The following ABHD12 variants were observed in gnomAD, a reference collection of about 807,000 sequenced individuals.
ABHD12 encodes the protein abhydrolase domain containing 12, lysophospholipase.
ABHD12 carries 43 observed loss-of-function variants against 58.3 expected under a neutral mutation model. The ratio of observed to expected loss-of-function variants is 0.74; its 90% CI spans 0.58 to 0.95. ABHD12 has a LOEUF of 0.95. Among genes scored for constraint, ABHD12 ranks in the 40% least tolerant of loss-of-function variants. ABHD12 has a pLI of 0.00. For missense variants in ABHD12, 539 were observed against 537.2 expected (o/e 1.00, Z -0.03); for synonymous variants, 219 against 211.2 (o/e 1.04, Z -0.32).
chr20:25,315,276 C>T (rs895942718), intron 5 of ABHD12, among the ~76,000 whole-genome samples: 1 of 151,976 alleles, frequency 6.6e-6, no homozygotes, highest in Non-Finnish European at 1.5e-5. Flanking sequence ...GCAGGGCAGC[C>T]TCTGGGGCGG....
chr20:25,364,739 G>A (rs2089796677), intron 1 of ABHD12, among the ~76,000 whole-genome samples: 1 of 152,132 alleles, frequency 6.6e-6, no homozygotes, highest in African/African-American at 2.4e-5. Flanking sequence ...TAAACCATGA[G>A]GTTCCATTTT....
In ABHD12 at chr20:25,377,057, C is replaced by T. The variant is rs1475384300; in HGVS notation, c.191+13456G>A. The stretch of plus-strand genomic sequence containing the variant: ...TCATACCTGGAGATGCTTCCCTGGG[C>T]CCTGGCAGAATCTCCTTCAGCTTTT... On this transcript the variant is annotated intron_variant, in intron 1 of 12. Transcript: ENST00000339157. Among the ~76,000 whole-genome samples the T allele has an allele frequency of 3.9e-5, 6 of 152,332 alleles. 1 individual carries two copies. The East Asian group carries it at 5.8e-4, about 15-fold the overall frequency.
intron 1 of ABHD12, among the ~76,000 whole-genome samples, chr20:25,341,949 T>C (rs2089459860): frequency 6.6e-6 from 1 of 152,006 alleles, no homozygotes; most frequent in Admixed American, 6.6e-5. Context: ...TACTTACTCA[T>C]CCTTCAGCAC....
In ABHD12 at chr20:25,300,857, C is replaced by T. The variant is rs763178289; in HGVS notation, c.1185G>A (p.Glu395=). The T allele has an allele frequency of 5.6e-6, 9 of 1,613,974 alleles. No individual in the cohort carries two copies. In the East Asian group the frequency reaches 1.3e-4, roughly 24 times the overall value. The part of the protein sequence containing the change: ...LREFLGKSEP[E]HQH The stretch of plus-strand genomic sequence containing the variant: ...CCCACGGCCAGGCTCAGTGCTGGTG[C>T]TCAGGCTCCGACTTCCCCAGGAATT... The change falls in exon 13 of 13, where the codon GAG becomes GAA. Residue 395 remains glutamate, a synonymous_variant. Transcript: ENST00000339157.
Position 25,302,325 on chromosome 20 carries a change from C to T in ABHD12, c.1051G>A (p.Ala351Thr). ...ACTTTGAAATCTCGGAAGCTTCGAGCTGGTGCGGCGATGCTATAGAGCTGG... is the reference window on the plus strand; with the variant it reads ...ACTTTGAAATCTCGGAAGCTTCGAGTTGGTGCGGCGATGCTATAGAGCTGG... ...GRKLYSIAAPARSFRDFKVQF... is the reference protein window; with the variant it reads ...GRKLYSIAAPTRSFRDFKVQF... Residue 351 changes from alanine (A) to threonine (T), a missense_variant, in exon 12 of 13, where the codon GCT becomes ACT. Transcript: ENST00000339157. 6.2e-7 allele frequency: 1 copy of T among 1,613,556 alleles called. No individual in the cohort carries two copies. Among genetic ancestry groups the T allele is most frequent in the Non-Finnish European group, 8.5e-7 (1 of 1,179,952 alleles).
At chr20:25,337,629 A>G (rs969846433) in intron 2 of ABHD12, among the ~76,000 whole-genome samples, 19 of 152,244 alleles carry the variant, frequency 1.2e-4, no homozygotes, top group African/African-American at 4.3e-4. Context: ...TTCAAGAACC[A>G]GCTCATGTGC....
At chr20:25,370,599 A>C (rs1200846286) in intron 1 of ABHD12, among the ~76,000 whole-genome samples, 1 of 152,154 alleles carries the variant, frequency 6.6e-6, no homozygotes, top group Admixed American at 6.5e-5. Flanking sequence ...GGGGCAGGAG[A>C]GCACAGCGAT....
chr20:25,330,399 CA>C (rs1300370031), intron 2 of ABHD12, among the ~76,000 whole-genome samples: 1 of 152,272 alleles, frequency 6.6e-6, no homozygotes. Flanking sequence ...GGGCGCCCGC[CA>C]TTGCCCAGGC....
Position 25,300,788 on chromosome 20 carries a change from A to T in ABHD12, c.*57T>A. 2 of 1,613,538 alleles carry T rather than the reference A, an allele frequency of 1.2e-6. No individual in the cohort carries two copies. Among genetic ancestry groups the T allele is most frequent in the Non-Finnish European group, 1.7e-6 (2 of 1,179,788 alleles). On this transcript the variant is annotated 3_prime_UTR_variant, in exon 13 of 13. Transcript: ENST00000339157. ...GGGGCTTCAGGATACCGGGCTGCTG[A>T]CTGGAGGAAAACGGGAGGAGGGCAG... is the stretch of plus-strand genomic sequence containing the variant.
At chr20:25,296,395 T>C (rs777084935), downstream of ABHD12, 15 of 1,613,872 alleles carry the variant, frequency 9.3e-6, no homozygotes, top group South Asian at 1.6e-4. Flanking sequence ...ACCAAGAAGG[T>C]CATCAGGAAC....
rs1455505256 is a variant in ABHD12 at position 25,350,827 on chromosome 20, T to C, written c.192-11476A>G. Among the ~76,000 whole-genome samples the C allele has an allele frequency of 3.3e-5, 5 of 152,140 alleles. No homozygotes were observed. In the East Asian group the frequency reaches 7.7e-4, roughly 23 times the overall value. On this transcript the variant is annotated intron_variant, in intron 1 of 12. Transcript: ENST00000339157. Reference sequence around the variant, plus strand: ...CTTACCTGACTAGAGCAGAACTTTATGACAGTCAGCTGCCACAAACCTCCT... The same window carrying C: ...CTTACCTGACTAGAGCAGAACTTTACGACAGTCAGCTGCCACAAACCTCCT...
intron 1 of ABHD12, among the ~76,000 whole-genome samples, chr20:25,378,209 C>T (rs2089982363): frequency 6.6e-6 from 1 of 152,202 alleles, no homozygotes; most frequent in South Asian, 2.1e-4. Context: ...CCTTCTCCAG[C>T]CATCCCTGTA....
In ABHD12 at chr20:25,306,819, C is replaced by A; in HGVS notation, c.950+14G>T. On this transcript the variant is annotated intron_variant, in intron 10 of 12. Transcript: ENST00000339157. ...TCTAAATAGGAAAATTAGTTCCTGT[C>A]CCATAATACTCACTTTTCATCATTT... 2 of 1,578,568 alleles carry A rather than the reference C, an allele frequency of 1.3e-6. No individual in the cohort carries two copies. The highest frequency in any genetic ancestry group is 1.1e-5 in the South Asian group (1 of 89,900).
intron 1 of ABHD12, among the ~76,000 whole-genome samples, chr20:25,373,992 A>G (rs1334692391): frequency 6.6e-6 from 1 of 152,128 alleles, no homozygotes; most frequent in Non-Finnish European, 1.5e-5. Context: ...TGGCTTGATC[A>G]TGGCTCATGC....
Position 25,309,489 on chromosome 20 carries a change from C to T in ABHD12, c.706G>A (p.Gly236Ser). 6.2e-7 allele frequency: 1 copy of T among 1,614,188 alleles called. No homozygotes were observed. The highest frequency in any genetic ancestry group is 2.2e-5 in the East Asian group (1 of 44,884). ...HVFDWIKARSGDNPVYIWGHS... is the reference protein window; with the variant it reads ...HVFDWIKARSSDNPVYIWGHS... ...CCCCAGATGTACACGGGGTTGTCAC[C>T]ACTTCTTGCTTTGATCCAGTCAAAA... Residue 236 changes from glycine (G) to serine (S), a missense_variant, in exon 7 of 13, where the codon GGT becomes AGT. Physicochemically the swap from Gly to Ser is moderately conservative, Grantham distance 56. Transcript: ENST00000339157.
intron 1 of ABHD12, among the ~76,000 whole-genome samples, chr20:25,359,486 C>T (rs2089716338): frequency 6.8e-6 from 1 of 147,670 alleles, no homozygotes; most frequent in African/African-American, 2.5e-5. Context: ...TTTTAAAAAT[C>T]AGAATAACAT....
intron 2 of ABHD12, among the ~76,000 whole-genome samples, chr20:25,332,314 G>T (rs1394629869): frequency 6.6e-5 from 10 of 151,662 alleles, no homozygotes; most frequent in Non-Finnish European, 1.0e-4. Context: ...AGCAAGTCCT[G>T]AGTGACCTAC....
intron 5 of ABHD12, among the ~76,000 whole-genome samples, chr20:25,316,540 A>T (rs1333549119): frequency 5.9e-5 from 9 of 152,274 alleles, no homozygotes; most frequent in Non-Finnish European, 1.5e-5. Flanking sequence ...CAATATCTGC[A>T]CTTGGTCTAC....
At chr20:25,315,636 T>TC (rs937311942) in intron 5 of ABHD12, among the ~76,000 whole-genome samples, 34 of 152,140 alleles carry the variant, frequency 2.2e-4, no homozygotes, top group African/African-American at 8.2e-4. Flanking sequence ...CCTTGCCAGC[T>TC]CCTAGCCACC....
Sources: gnomAD v4.1 joint callset for allele counts (sites outside exome capture counted in the v4.1 genomes callset) on GRCh38, gnomAD v4.1.1 for gene constraint, MANE v1.5 for transcripts, NCBI Gene and HGNC (gene_info 2026-07-23, HGNC 2026-07-21) for gene names.